The following FAR2 variants were observed in gnomAD, a reference collection of about 807,000 sequenced individuals.
FAR2 encodes the protein epididymis secretory protein Li 81.
In FAR2, 19 loss-of-function variants were observed where a neutral mutation model predicts 56.0. The observed-to-expected ratio is 0.34, with a 90% CI of 0.24 to 0.50. FAR2 has a LOEUF of 0.50. Among genes scored for constraint, FAR2 ranks in the 20% least tolerant of loss-of-function variants. FAR2 has a pLI of 0.98. For synonymous variants in FAR2, 219 were observed against 218.8 expected (o/e 1.00, Z -0.01); for missense variants, 508 against 642.2 (o/e 0.79, Z 2.26).
chr12:29,306,649 A>C (rs1462545778), intron 4 of FAR2, among the ~76,000 whole-genome samples: 2 of 152,228 alleles, frequency 1.3e-5, no homozygotes, highest in African/African-American at 4.8e-5. Context: ...CAGCTAGAAG[A>C]ATGTTAAATA....
intron 2 of FAR2, among the ~76,000 whole-genome samples, chr12:29,277,212 G>A (rs1245333865): frequency 1.3e-5 from 2 of 152,060 alleles, no homozygotes; most frequent in Non-Finnish European, 2.9e-5. Flanking sequence ...TCCTGACCTC[G>A]TGATCCACCC....
chr12:29,308,749 A>G (rs966372467), intron 5 of FAR2, among the ~76,000 whole-genome samples: 144 of 139,520 alleles, frequency 1.0e-3, no homozygotes, highest in African/African-American at 4.2e-3. Context: ...TATATCTGGC[A>G]TGGACTCTAT....
intron 4 of FAR2, among the ~76,000 whole-genome samples, chr12:29,301,004 G>A (rs1168429488): frequency 6.6e-6 from 1 of 151,998 alleles, no homozygotes; most frequent in Non-Finnish European, 1.5e-5. Flanking sequence ...ACCTTTGCAG[G>A]CCTAAAGTCT....
intron 1 of FAR2, among the ~76,000 whole-genome samples, chr12:29,200,024 G>C (rs1013287460): frequency 2.0e-5 from 3 of 152,104 alleles, no homozygotes; most frequent in African/African-American, 4.8e-5. Context: ...ATCGATTTAA[G>C]AGTCATCATA....
intron 1 of FAR2, among the ~76,000 whole-genome samples, chr12:29,211,162 A>G (rs1288960009): frequency 1.3e-5 from 2 of 152,036 alleles, no homozygotes; most frequent in Admixed American, 6.6e-5. Context: ...GCGGTGGCTC[A>G]CACCTATAAT....
intron 10 of FAR2, among the ~76,000 whole-genome samples, chr12:29,323,537 T>G (rs1949589532): frequency 6.6e-6 from 1 of 152,206 alleles, no homozygotes; most frequent in South Asian, 2.1e-4. Context: ...CAGGTACTCC[T>G]CTGAGACAAA....
intron 1 of FAR2, among the ~76,000 whole-genome samples, chr12:29,192,479 C>A (rs11050110): frequency 0.82 from 124,247 of 152,096 alleles, 51,063 homozygotes; most frequent in East Asian, 0.91. Flanking sequence ...ATCTTCTTTT[C>A]ATCTTTAGGA....
chr12:29,308,711 C>CATATATATATATATAT (rs1428729903), intron 5 of FAR2, among the ~76,000 whole-genome samples: 14 of 109,792 alleles, frequency 1.3e-4, no homozygotes, highest in South Asian at 1.2e-3. Flanking sequence ...CACACACACA[C>CATATATATATATATAT]ACACACACAT....
At chr12:29,250,021 T>A (rs1948182279) in intron 1 of FAR2, among the ~76,000 whole-genome samples, 1 of 152,226 alleles carries the variant, frequency 6.6e-6, no homozygotes, top group African/African-American at 2.4e-5. Flanking sequence ...ACTCGAATGC[T>A]CACTAGCATT....
At chr12:29,318,543 T>C (rs140127793) in intron 9 of FAR2, among the ~76,000 whole-genome samples, 1,741 of 152,314 alleles carry the variant, frequency 0.011, 17 homozygotes, top group Non-Finnish European at 0.018. Flanking sequence ...TTGTGTGGTA[T>C]GTATTTTAGC....
intron 5 of FAR2, among the ~76,000 whole-genome samples, chr12:29,308,424 T>A (rs1949289010): frequency 6.6e-6 from 1 of 152,014 alleles, no homozygotes; most frequent in Non-Finnish European, 1.5e-5. Context: ...CTATGGAGAG[T>A]TGATTTGATG....
intron 1 of FAR2, among the ~76,000 whole-genome samples, chr12:29,231,813 G>T (rs1374278494): frequency 1.3e-5 from 2 of 152,044 alleles, no homozygotes; most frequent in Non-Finnish European, 2.9e-5. Flanking sequence ...ATGCACTATG[G>T]ACATCCTGAA....
intron 2 of FAR2, among the ~76,000 whole-genome samples, chr12:29,273,879 TGGGGAGAGGGG>T (rs1948660859): frequency 1.3e-5 from 2 of 152,034 alleles, no homozygotes; most frequent in South Asian, 4.2e-4. Flanking sequence ...CTCCCTTGGC[TGGGGAGAGGGG>T]ACTCCCCTTC....
At chr12:29,290,261 C>T (rs762214464) in intron 2 of FAR2, among the ~76,000 whole-genome samples, 32 of 152,086 alleles carry the variant, frequency 2.1e-4, no homozygotes, top group Admixed American at 2.0e-4. Flanking sequence ...GCCTGGCCAA[C>T]GTAGCGAAAC....
intron 1 of FAR2, among the ~76,000 whole-genome samples, chr12:29,217,263 C>T (rs527635924): frequency 7.9e-5 from 12 of 152,206 alleles, no homozygotes; most frequent in Non-Finnish European, 7.4e-5. Flanking sequence ...CTGCTCAGTC[C>T]GGGTATGGGA....
chr12:29,197,479 TC>T, intron 1 of FAR2, among the ~76,000 whole-genome samples: 1 of 152,290 alleles, frequency 6.6e-6, no homozygotes, highest in Non-Finnish European at 1.5e-5. Context: ...CATTTAATCT[TC>T]CAACAACTTA....
intron 10 of FAR2, among the ~76,000 whole-genome samples, chr12:29,331,273 C>T (rs1354485246): frequency 6.6e-6 from 1 of 150,456 alleles, no homozygotes; most frequent in African/African-American, 2.4e-5. Context: ...TGCTGTATGT[C>T]CAAGGAGAGA....
At chr12:29,160,383 T>A (rs1949771548) in intron 1 of FAR2, among the ~76,000 whole-genome samples, 1 of 152,162 alleles carries the variant, frequency 6.6e-6, no homozygotes, top group Non-Finnish European at 1.5e-5. Context: ...CCTTGCCAAG[T>A]GTATGAGATG....
At chr12:29,178,525 C>G (rs7962268) in intron 1 of FAR2, among the ~76,000 whole-genome samples, 146,154 of 152,240 alleles carry the variant, frequency 0.96, 70,430 homozygotes, top group East Asian at 1. Flanking sequence ...GAGCCTGGGA[C>G]GTCGAGTCAC....
Sources: allele counts gnomAD v4.1 joint callset (sites outside exome capture counted in the v4.1 genomes callset), GRCh38; gene constraint gnomAD v4.1.1; transcripts MANE v1.5; gene names NCBI Gene and HGNC (gene_info 2026-07-23, HGNC 2026-07-21).